Variants in RGS7 observed in about 807,000 individuals in gnomAD.
RGS7 encodes the protein regulator of G-protein signaling 7.
In RGS7, 27 loss-of-function variants were observed where a neutral mutation model predicts 81.1. The observed-to-expected ratio is 0.33, with a 90% CI of 0.25 to 0.46. The LOEUF is 0.46. RGS7 is among the 20% of genes least tolerant of loss of function. The pLI, the probability that RGS7 is intolerant of heterozygous loss-of-function variation, is 1.00. For missense variants in RGS7, 396 were observed against 607.4 expected, an observed-to-expected ratio of 0.65 and a Z score of 3.66; for synonymous variants, 208 against 207.7, an observed-to-expected ratio of 1.00 and a Z score of -0.01.
chr1:240,932,743 C>A (rs1477905462), intron 5 of RGS7, among the ~76,000 whole-genome samples: 3 of 150,710 alleles, frequency 2.0e-5, no homozygotes, highest in Admixed American at 2.0e-4. Context: ...CTCCTGACCT[C>A]GTGATCCGCC....
chr1:241,256,576 TCA>T (rs2077060004), intron 2 of RGS7, among the ~76,000 whole-genome samples: 1 of 152,148 alleles, frequency 6.6e-6, no homozygotes, highest in Non-Finnish European at 1.5e-5. Context: ...AATTTATGTC[TCA>T]CAGTTTTGAA....
intron 2 of RGS7, among the ~76,000 whole-genome samples, chr1:241,299,199 C>A (rs1027084606): frequency 2.0e-5 from 3 of 152,180 alleles, no homozygotes; most frequent in Admixed American, 2.0e-4. Context: ...TGAGCCAGTA[C>A]AATTCTGAAA....
chr1:240,983,086 T>C lies in RGS7; in HGVS notation c.219A>G (p.Glu73=), dbSNP rs760696063. The change falls in exon 4 of 19, where the codon GAA becomes GAG. Residue 73 remains glutamate, a synonymous_variant. Coordinates refer to ENST00000440928, the MANE Select transcript of RGS7 (RefSeq NM_001364886.1). The part of the protein sequence containing the change: ...VQWLIKNLTI[E]DPVEALHLGT... ...GGAAAATGATTTATTTACCTGGATC[T>C]TCTATAGTTAAGTTCTTTATCAACC... The C allele has an allele frequency of 6.5e-7, 1 of 1,539,402 alleles. No homozygotes were observed. The highest frequency in any genetic ancestry group is 1.1e-5 in the South Asian group (1 of 88,596).
At chr1:240,976,358 T>C (rs1288224650) in intron 4 of RGS7, among the ~76,000 whole-genome samples, 3 of 152,198 alleles carry the variant, frequency 2.0e-5, no homozygotes, top group African/African-American at 7.2e-5. Flanking sequence ...ACATTAGTGG[T>C]GGATGCTATG....
intron 2 of RGS7, among the ~76,000 whole-genome samples, chr1:241,300,965 A>C (rs967053081): frequency 6.6e-6 from 1 of 152,326 alleles, no homozygotes. Flanking sequence ...AATAGGTGTT[A>C]ATGGTATTTC....
intron 2 of RGS7, among the ~76,000 whole-genome samples, chr1:241,160,134 A>AAAGAAG (rs2069523907): frequency 8.6e-5 from 13 of 151,328 alleles, no homozygotes; most frequent in Admixed American, 8.5e-4. Context: ...AAAAAAAGAA[A>AAAGAAG]AAGAAAAAGA....
intron 9 of RGS7, among the ~76,000 whole-genome samples, chr1:240,855,249 G>T (rs796482616): frequency 2.9e-5 from 4 of 139,624 alleles, no homozygotes; most frequent in African/African-American, 8.2e-5. Flanking sequence ...TAACAAGCGC[G>T]TCCATAGATT....
chr1:241,323,698 C>A (rs2081333048), intron 2 of RGS7, among the ~76,000 whole-genome samples: 1 of 152,176 alleles, frequency 6.6e-6, no homozygotes, highest in Non-Finnish European at 1.5e-5. Flanking sequence ...CAACGGAGAA[C>A]AGACGCGAGA....
At position 240,810,162 on chromosome 1, in the gene RGS7, C is replaced by T. The variant is rs570784126; in HGVS notation, c.1082+1756G>A. On this transcript the variant is annotated intron_variant, in intron 14 of 18. Coordinates refer to ENST00000440928, the MANE Select transcript of RGS7 (RefSeq NM_001364886.1). ...CCCTTCGCTGATCTCTAACTCTGGG[C>T]TAGGCATCCCTCTCTGCTTCTCCCA... Among the ~76,000 whole-genome samples, 11 of 152,248 alleles carry T rather than the reference C, an allele frequency of 7.2e-5. No individual in the cohort carries two copies. The South Asian group carries it at 1.0e-3, about 14-fold the overall frequency.
chr1:240,902,690 G>T (rs1365142805), intron 6 of RGS7, among the ~76,000 whole-genome samples: 1 of 152,068 alleles, frequency 6.6e-6, no homozygotes, highest in African/African-American at 2.4e-5. Context: ...GTAGATTACT[G>T]GTTTGTTTAC....
chr1:240,816,468 C>CT, intron 10 of RGS7, 53 bp from the exon 11 acceptor site: 1 of 1,178,998 alleles, frequency 8.5e-7, no homozygotes, highest in Non-Finnish European at 1.3e-6. Flanking sequence ...TTTACAGTCA[C>CT]AGACTTTCTA....
chr1:240,984,552 C>A (rs1391782831), intron 3 of RGS7, among the ~76,000 whole-genome samples: 6 of 152,178 alleles, frequency 3.9e-5, no homozygotes. Context: ...TTGCTTGAGA[C>A]ATTCATTTGT....
intron 3 of RGS7, among the ~76,000 whole-genome samples, chr1:241,004,697 ACG>A (rs144548695): frequency 0.049 from 7,529 of 152,182 alleles, 608 homozygotes; most frequent in African/African-American, 0.17. Context: ...AAGCCCAGCA[ACG>A]CCTGTCCCTC....
chr1:241,207,326 A>G (rs546616715), intron 2 of RGS7, among the ~76,000 whole-genome samples: 23 of 132,542 alleles, frequency 1.7e-4, no homozygotes, highest in African/African-American at 5.4e-4. Flanking sequence ...TGTGCCAGGT[A>G]TGGAGTATGC....
chr1:240,852,079 C>G (rs572632532), intron 9 of RGS7, among the ~76,000 whole-genome samples: 1 of 152,282 alleles, frequency 6.6e-6, no homozygotes. Flanking sequence ...AAAATGCTAT[C>G]AAGCAGCATC....
intron 2 of RGS7, among the ~76,000 whole-genome samples, chr1:241,104,873 T>A (rs1395892580): frequency 6.6e-6 from 1 of 152,246 alleles, no homozygotes; most frequent in African/African-American, 2.4e-5. Flanking sequence ...GTCTGGTCCA[T>A]AATGGAGGCT....
At chr1:240,980,030 C>T (rs370095394) in intron 4 of RGS7, among the ~76,000 whole-genome samples, 29 of 152,030 alleles carry the variant, frequency 1.9e-4, no homozygotes, top group East Asian at 3.9e-4. Context: ...AGACTAATTC[C>T]ATATATGTGT....
rs1452658898 is a variant in RGS7, at chr1:240,849,060, G to A, written c.609+19527C>T. Among the ~76,000 whole-genome samples, 19 of 152,172 alleles carry A rather than the reference G, an allele frequency of 1.2e-4. 1 individual carries two copies. Among genetic ancestry groups the A allele is most frequent in the South Asian group, 6.2e-4 (3 of 4,824 alleles). ...TCATCCATTTCCTAGTACAGGCCTC[G>A]CTAGCATATTTCAATGATAATTCCC... On this transcript the variant is annotated intron_variant, in intron 9 of 18. Coordinates refer to ENST00000440928, the MANE Select transcript of RGS7 (RefSeq NM_001364886.1).
chr1:241,135,485 C>T (rs1001787686), intron 2 of RGS7, among the ~76,000 whole-genome samples: 1 of 151,898 alleles, frequency 6.6e-6, no homozygotes, highest in Non-Finnish European at 1.5e-5. Context: ...CTCGTGTTGT[C>T]TGTTGGCGTG....
Sources: allele counts gnomAD v4.1 joint callset (sites outside exome capture counted in the v4.1 genomes callset), GRCh38; gene constraint gnomAD v4.1.1; transcripts MANE v1.5; gene names NCBI Gene and HGNC (gene_info 2026-07-23, HGNC 2026-07-21).